CDH18: variants seen among roughly 807,000 people sequenced by gnomAD.
CDH18 encodes the protein cadherin-18.
In CDH18, 31 loss-of-function variants were observed where a neutral mutation model predicts 67.9. The ratio of observed to expected loss-of-function variants is 0.46; its 90% confidence interval spans 0.34 to 0.62. The LOEUF (loss-of-function observed/expected upper bound fraction) is 0.62. Ranked by LOEUF, CDH18 falls within the 20% of genes least tolerant of loss-of-function variation. The pLI is 0.01. For missense variants in CDH18, 890 were observed against 975.5 expected (o/e 0.91, Z 1.17); for synonymous variants, 362 against 347.2 (o/e 1.04, Z -0.48).
intron 2 of CDH18, among the ~76,000 whole-genome samples, chr5:20,075,052 A>T (rs971125952): frequency 2.0e-5 from 3 of 152,198 alleles, no homozygotes; most frequent in African/African-American, 7.2e-5. Flanking sequence ...CATTTGTAAC[A>T]TCCACAGAGA....
At chr5:20,368,471 G>T (rs376727489) in intron 1 of CDH18, among the ~76,000 whole-genome samples, 3 of 152,088 alleles carry the variant, frequency 2.0e-5, no homozygotes, top group African/African-American at 7.2e-5. Flanking sequence ...GCAAAGAAAA[G>T]GAGTAGACAG....
chr5:19,766,131 A>C (rs577091131), intron 3 of CDH18, among the ~76,000 whole-genome samples: 28 of 152,182 alleles, frequency 1.8e-4, no homozygotes, highest in Non-Finnish European at 3.7e-4. Flanking sequence ...TGCCTGTCCC[A>C]GTCTCCCAAA....
intron 5 of CDH18, among the ~76,000 whole-genome samples, chr5:19,624,872 G>C (rs541625459): frequency 1.3e-5 from 2 of 152,272 alleles, no homozygotes; most frequent in Admixed American, 1.3e-4. Flanking sequence ...GGTTAAGCAA[G>C]TGTGAGATCA....
intron 1 of CDH18, among the ~76,000 whole-genome samples, chr5:20,512,529 C>G (rs978537068): frequency 6.6e-6 from 1 of 152,026 alleles, no homozygotes; most frequent in Admixed American, 6.6e-5. Context: ...TTCCAATCAT[C>G]TTTATATTTT....
At chr5:20,333,363 T>C (rs946302986) in intron 1 of CDH18, among the ~76,000 whole-genome samples, 2 of 151,486 alleles carry the variant, frequency 1.3e-5, no homozygotes, top group Admixed American at 6.6e-5. Flanking sequence ...AAAAATTAGC[T>C]GGGCATGGTG....
intron 4 of CDH18, among the ~76,000 whole-genome samples, chr5:19,737,874 T>C (rs2150679227): frequency 6.6e-6 from 1 of 152,312 alleles, no homozygotes; most frequent in African/African-American, 2.4e-5. Flanking sequence ...TGATGACAAG[T>C]ATCAATTTTG....
chr5:19,882,945 T>C (rs2150060922), intron 2 of CDH18, among the ~76,000 whole-genome samples: 1 of 152,364 alleles, frequency 6.6e-6, no homozygotes, highest in East Asian at 1.9e-4. Flanking sequence ...TATATTTATA[T>C]GACCAGATGA....
At chr5:19,780,646 A>G (rs185961583) in intron 3 of CDH18, among the ~76,000 whole-genome samples, 1 of 152,142 alleles carries the variant, frequency 6.6e-6, no homozygotes, top group East Asian at 1.9e-4. Context: ...TTCTTTTTTC[A>G]TTTCTGCTTC....
intron 2 of CDH18, among the ~76,000 whole-genome samples, chr5:20,012,234 A>ATAATAT (rs1737503744): frequency 6.6e-6 from 1 of 151,894 alleles, no homozygotes; most frequent in Non-Finnish European, 1.5e-5. Context: ...GGTGGTGTTT[A>ATAATAT]TAATATTCTC....
At chr5:20,435,454 T>A (rs1749095843) in intron 1 of CDH18, among the ~76,000 whole-genome samples, 1 of 152,078 alleles carries the variant, frequency 6.6e-6, no homozygotes, top group African/African-American at 2.4e-5. Flanking sequence ...TTCCAGTATC[T>A]ATGCCCCCAA....
chr5:20,544,346 A>C (rs1205707580), intron 1 of CDH18, among the ~76,000 whole-genome samples: 1 of 152,238 alleles, frequency 6.6e-6, no homozygotes, highest in African/African-American at 2.4e-5. Flanking sequence ...ATATGTGTAC[A>C]TATGTGTATG....
At chr5:20,568,552 A>T (rs1298045493) in intron 1 of CDH18, among the ~76,000 whole-genome samples, 1 of 152,218 alleles carries the variant, frequency 6.6e-6, no homozygotes, top group Non-Finnish European at 1.5e-5. Context: ...TATGAAAAAG[A>T]ATATTAAAAG....
intron 2 of CDH18, among the ~76,000 whole-genome samples, chr5:20,026,270 A>T (rs1420224844): frequency 6.6e-6 from 1 of 152,192 alleles, no homozygotes; most frequent in Non-Finnish European, 1.5e-5. Context: ...TGGCCAAATC[A>T]TAAATTTGCT....
At chr5:19,668,544 T>C (rs1382531212) in intron 5 of CDH18, among the ~76,000 whole-genome samples, 2 of 152,082 alleles carry the variant, frequency 1.3e-5, no homozygotes, top group Non-Finnish European at 2.9e-5. Context: ...CAGAGACTTA[T>C]CAAGTCAGTA....
intron 1 of CDH18, among the ~76,000 whole-genome samples, chr5:20,548,173 G>T (rs1757444096): frequency 6.7e-6 from 1 of 150,290 alleles, no homozygotes; most frequent in Non-Finnish European, 1.5e-5. Flanking sequence ...CCAGCTTAAT[G>T]TGAAAGATAG....
intron 2 of CDH18, among the ~76,000 whole-genome samples, chr5:20,083,365 C>T (rs1235475840): frequency 2.0e-5 from 3 of 152,120 alleles, no homozygotes; most frequent in Non-Finnish European, 4.4e-5. Flanking sequence ...TTCACAGATG[C>T]TGTGGTTTTT....
At chr5:20,392,353 T>G (rs1744933298) in intron 1 of CDH18, among the ~76,000 whole-genome samples, 1 of 151,924 alleles carries the variant, frequency 6.6e-6, no homozygotes. Context: ...AAAAAAACTA[T>G]TCATTTTTAT....
chr5:19,858,976 C>A (rs1025971890), intron 2 of CDH18, among the ~76,000 whole-genome samples: 1 of 151,758 alleles, frequency 6.6e-6, no homozygotes, highest in Admixed American at 6.6e-5. Flanking sequence ...GAAAAAAAAA[C>A]TATTTTATTG....
intron 8 of CDH18, among the ~76,000 whole-genome samples, chr5:19,563,003 T>TA (rs1289668069): frequency 6.6e-6 from 1 of 152,086 alleles, no homozygotes; most frequent in Non-Finnish European, 1.5e-5. Flanking sequence ...ATGCTAAAGT[T>TA]AAAAAAAGAC....
Sources: allele counts gnomAD v4.1 joint callset (sites outside exome capture counted in the v4.1 genomes callset), GRCh38; gene constraint gnomAD v4.1.1; transcripts MANE v1.5; gene names NCBI Gene and HGNC (gene_info 2026-07-23, HGNC 2026-07-21).